PTPRM: variants seen among roughly 807,000 people sequenced by gnomAD.
PTPRM encodes protein tyrosine phosphatase receptor type M.
In PTPRM, 47 loss-of-function variants were observed where a neutral mutation model predicts 186.7. The ratio of observed to expected loss-of-function variants is 0.25; its 90% CI spans 0.20 to 0.32. The LOEUF (loss-of-function observed/expected upper bound fraction) is 0.32. Among genes scored for constraint, PTPRM ranks in the 10% least tolerant of loss-of-function variants. PTPRM has a pLI of 1.00. For missense variants in PTPRM, 1,494 were observed against 1,865.0 expected (o/e 0.80, Z 3.66); for synonymous variants, 668 against 674.9 (o/e 0.99, Z 0.16).
chr18:8,011,111 C>G (rs1011804594), intron 7 of PTPRM, among the ~76,000 whole-genome samples: 24 of 152,034 alleles, frequency 1.6e-4, no homozygotes, highest in Non-Finnish European at 1.5e-5. Context: ...GTGTCTATTC[C>G]GGACAGAACA....
chr18:7,761,480 G>T (rs1042359753), intron 1 of PTPRM, among the ~76,000 whole-genome samples: 2 of 152,112 alleles, frequency 1.3e-5, no homozygotes, highest in Non-Finnish European at 1.5e-5. Context: ...TTATGCTGAG[G>T]TCTGCCAGAT....
intron 2 of PTPRM, among the ~76,000 whole-genome samples, chr18:7,833,785 A>AAC (rs761681503): frequency 7.2e-4 from 104 of 144,076 alleles, no homozygotes; most frequent in Non-Finnish European, 8.1e-4. Flanking sequence ...ACAACAACAA[A>AAC]AGCAATGCAT....
At chr18:7,947,745 A>G (rs561711825) in intron 5 of PTPRM, among the ~76,000 whole-genome samples, 1 of 152,066 alleles carries the variant, frequency 6.6e-6, no homozygotes, top group African/African-American at 2.4e-5. Context: ...CTCACATGTC[A>G]CTTCCTCAGA....
chr18:8,154,631 C>T (rs1425844148), intron 14 of PTPRM: 1 of 152,154 alleles, frequency 6.6e-6, no homozygotes, highest in Non-Finnish European at 1.5e-5. Context: ...GTTTTGTCTT[C>T]TGAAGAATTG....
intron 2 of PTPRM, among the ~76,000 whole-genome samples, chr18:7,861,200 G>A (rs979184344): frequency 6.6e-6 from 1 of 152,106 alleles, no homozygotes; most frequent in Non-Finnish European, 1.5e-5. Context: ...ATGGCTGAAT[G>A]TATGATGTTT....
chr18:8,406,296 A>C lies in PTPRM; in HGVS notation c.*134A>C. The C allele has an allele frequency of 1.2e-6, 1 of 820,416 alleles. No homozygotes were observed. The highest frequency in any genetic ancestry group is 1.9e-6 in the Non-Finnish European group (1 of 519,020). 50.8% of individuals were successfully genotyped at this position (820,416 alleles called of 1,614,324 possible). On this transcript the variant is annotated 3_prime_UTR_variant, in exon 33 of 33. Transcript: ENST00000580170. Reference sequence around the variant, plus strand: ...CATAATTGGCTCTTTTTAAGAGCCCAAGAAAGTGTTTCTAAAATTGCTTGC... The same window carrying C: ...CATAATTGGCTCTTTTTAAGAGCCCCAGAAAGTGTTTCTAAAATTGCTTGC...
intron 14 of PTPRM, among the ~76,000 whole-genome samples, chr18:8,239,119 A>G (rs1363754218): frequency 6.9e-6 from 1 of 145,498 alleles, no homozygotes. Context: ...AGCATTAGGT[A>G]TATCTCCTAA....
intron 13 of PTPRM, among the ~76,000 whole-genome samples, chr18:8,127,423 T>TTTG (rs1237179302): frequency 2.0e-5 from 3 of 151,446 alleles, no homozygotes; most frequent in Non-Finnish European, 4.4e-5. Flanking sequence ...GTATTGTTTT[T>TTTG]TTTTTTTTTT....
At chr18:8,280,366 G>C (rs2094888286) in intron 19 of PTPRM, among the ~76,000 whole-genome samples, 1 of 149,452 alleles carries the variant, frequency 6.7e-6, no homozygotes, top group Non-Finnish European at 1.5e-5. Flanking sequence ...TGAGGTACGG[G>C]AGCTTAGGAC....
In PTPRM at chr18:8,079,264, G is replaced by A. The variant is rs528950777; in HGVS notation, c.1551+2700G>A. ...CTTCGTTCTGGCTCAAGTCCTTCTC[G>A]TACGTTACCCTCCACCTCAGTCATT... On this transcript the variant is annotated intron_variant, in intron 9 of 32. Transcript: ENST00000580170. 8.6e-5 allele frequency among the ~76,000 whole-genome samples: 13 copies of A among 152,026 alleles called. No homozygotes were observed. The East Asian group carries it at 1.6e-3, about 18-fold the overall frequency.
chr18:7,703,972 T>C (rs7228006), intron 1 of PTPRM, among the ~76,000 whole-genome samples: 9,971 of 152,214 alleles, frequency 0.066, 868 homozygotes, highest in African/African-American at 0.19. Flanking sequence ...TGATGGATTA[T>C]GTTTATGGAT....
At chr18:8,289,628 A>T (rs1568675926) in intron 19 of PTPRM, among the ~76,000 whole-genome samples, 1 of 145,922 alleles carries the variant, frequency 6.9e-6, no homozygotes, top group African/African-American at 2.5e-5. Flanking sequence ...ACACATATAT[A>T]TATACACACA....
chr18:8,379,115 G>T (rs1475066252), intron 27 of PTPRM, 52 bp from the exon 28 acceptor site: 3 of 1,479,132 alleles, frequency 2.0e-6, no homozygotes, highest in Non-Finnish European at 2.7e-6. Context: ...CACGTGAGAG[G>T]AGTCCGCTGC....
intron 22 of PTPRM, among the ~76,000 whole-genome samples, chr18:8,324,911 A>T (rs2148113248): frequency 1.3e-5 from 2 of 152,274 alleles, no homozygotes; most frequent in East Asian, 3.9e-4. Context: ...TAACTCATGT[A>T]TGTATCAATG....
chr18:8,102,522 C>A lies in PTPRM; in HGVS notation c.1857-10964C>A, dbSNP rs939561142. 1.2e-4 allele frequency among the ~76,000 whole-genome samples: 18 copies of A among 152,226 alleles called. No individual in the cohort carries two copies. In the East Asian group the frequency reaches 3.3e-3, roughly 28 times the overall value. On this transcript the variant is annotated intron_variant, in intron 11 of 32. Transcript: ENST00000580170. ...AGATTTCATCTCAAGAAACCACTTT[C>A]TTTGCTTACCCATAGGAAGCAACTG... is the stretch of plus-strand genomic sequence containing the variant.
intron 14 of PTPRM, among the ~76,000 whole-genome samples, chr18:8,181,920 A>G (rs966014554): frequency 5.9e-5 from 9 of 152,216 alleles, no homozygotes; most frequent in Admixed American, 2.0e-4. Context: ...CTTCTTTTAA[A>G]TATAATGGTT....
At chr18:7,652,654 C>G (rs1201314540) in intron 1 of PTPRM, among the ~76,000 whole-genome samples, 3 of 149,090 alleles carry the variant, frequency 2.0e-5, no homozygotes, top group Non-Finnish European at 4.4e-5. Context: ...ATCGCAAGAA[C>G]AAAAAACCAA....
intron 1 of PTPRM, among the ~76,000 whole-genome samples, chr18:7,591,252 T>C (rs115463152): frequency 1.6e-3 from 243 of 152,354 alleles, no homozygotes; most frequent in African/African-American, 5.4e-3. Flanking sequence ...AATTGTTTCT[T>C]TGCTGAAGTG....
chr18:8,238,589 C>A (rs773655991), intron 14 of PTPRM, among the ~76,000 whole-genome samples: 1 of 150,470 alleles, frequency 6.6e-6, no homozygotes, highest in East Asian at 2.0e-4. Flanking sequence ...TTAATTCCAA[C>A]GCCTCTGCCA....
Sources: allele counts gnomAD v4.1 joint callset (sites outside exome capture counted in the v4.1 genomes callset), GRCh38; gene constraint gnomAD v4.1.1; transcripts MANE v1.5; gene names NCBI Gene and HGNC (gene_info 2026-07-23, HGNC 2026-07-21).